ARRB1: variants seen among roughly 807,000 people sequenced by gnomAD.
ARRB1 encodes the protein beta-arrestin-1.
A neutral mutation model predicts 56.8 loss-of-function variants in ARRB1; 21 were observed. The observed-to-expected ratio is 0.37, with a 90% CI of 0.26 to 0.53. The LOEUF is 0.53. Among genes scored for constraint, ARRB1 ranks in the 20% least tolerant of loss-of-function variants. The pLI is 0.88. For synonymous variants in ARRB1, 210 were observed against 218.6 expected, an observed-to-expected ratio of 0.96 and a Z score of 0.35; for missense variants, 424 against 553.7, an observed-to-expected ratio of 0.77 and a Z score of 2.35.
intron 1 of ARRB1, among the ~76,000 whole-genome samples, chr11:75,339,977 C>T (rs1038186987): frequency 3.9e-5 from 6 of 152,176 alleles, no homozygotes; most frequent in African/African-American, 1.2e-4. Context: ...CCCTCAACTT[C>T]GGAGAAAGGG....
intron 1 of ARRB1, among the ~76,000 whole-genome samples, chr11:75,350,802 G>A (rs534209818): frequency 7.2e-5 from 11 of 152,342 alleles, no homozygotes; most frequent in Non-Finnish European, 1.6e-4. Context: ...GGCGGGGGGC[G>A]CTCTACCCTG....
At chr11:75,283,726 A>G (rs1946406912) in intron 4 of ARRB1, among the ~76,000 whole-genome samples, 1 of 151,088 alleles carries the variant, frequency 6.6e-6, no homozygotes, top group African/African-American at 2.4e-5. Flanking sequence ...TCCCCCTCCC[A>G]CCTCTCCCCA....
chr11:75,261,783 G>A lies in ARRB1; in HGVS notation c.*4380C>T, dbSNP rs1945796906. 1 of 152,274 alleles carries A rather than the reference G, an allele frequency of 6.6e-6. No homozygotes were observed. The highest frequency in any genetic ancestry group is 1.5e-5 in the Non-Finnish European group (1 of 68,080). 9.4% of individuals were successfully genotyped at this position (152,274 alleles called of 1,614,324 possible). On this transcript the variant is annotated 3_prime_UTR_variant, in exon 16 of 16. Coordinates refer to ENST00000420843, the MANE Select transcript of ARRB1 (RefSeq NM_004041.5). The stretch of plus-strand genomic sequence containing the variant: ...AGAGATGGAGCTGCCTGGGCCAGGA[G>A]GAAACACCAAGCCCAGTGCAGGCCG...
intron 13 of ARRB1, chr11:75,271,206 A>G (rs1210564892): frequency 6.5e-6 from 1 of 152,940 alleles, no homozygotes; most frequent in Non-Finnish European, 1.5e-5. Flanking sequence ...CCACACTGCC[A>G]TCTTGTGACA....
intron 1 of ARRB1, among the ~76,000 whole-genome samples, chr11:75,302,534 C>T (rs530779881): frequency 2.0e-5 from 3 of 152,320 alleles, no homozygotes; most frequent in African/African-American, 7.2e-5. Flanking sequence ...CTTCCTGGGG[C>T]TGAGATGCAG....
intron 7 of ARRB1, 105 bp from the exon 8 acceptor site, chr11:75,278,849 T>A (rs1412727658): frequency 6.2e-6 from 9 of 1,457,442 alleles, no homozygotes; most frequent in Non-Finnish European, 8.3e-6. Context: ...GGCATGGCTC[T>A]CCATCACCTT....
At chr11:75,345,804 G>A (rs1020552830) in intron 1 of ARRB1, among the ~76,000 whole-genome samples, 1 of 152,162 alleles carries the variant, frequency 6.6e-6, no homozygotes, top group Non-Finnish European at 1.5e-5. Flanking sequence ...TTCACTAATG[G>A]GAAAGGCCTA....
At chr11:75,268,539 A>G (rs1945996102) in intron 14 of ARRB1, among the ~76,000 whole-genome samples, 1 of 150,362 alleles carries the variant, frequency 6.7e-6, no homozygotes, top group Admixed American at 6.6e-5. Context: ...AAAAAAAAGA[A>G]GAAGAAAAAC....
intron 1 of ARRB1, among the ~76,000 whole-genome samples, chr11:75,294,250 C>T (rs1249611616): frequency 6.6e-6 from 1 of 152,026 alleles, no homozygotes; most frequent in Non-Finnish European, 1.5e-5. Context: ...GATAATAAAA[C>T]CAACTTATGG....
At chr11:75,327,195 G>C (rs1334019245) in intron 1 of ARRB1, among the ~76,000 whole-genome samples, 4 of 151,040 alleles carry the variant, frequency 2.6e-5, no homozygotes, top group Admixed American at 6.6e-5. Flanking sequence ...CCAGCTACTC[G>C]GGAGGCTGAG....
intron 12 of ARRB1, 77 bp from the exon 13 acceptor site, chr11:75,271,801 C>T (rs1339423023): frequency 4.1e-6 from 6 of 1,468,776 alleles, no homozygotes; most frequent in Non-Finnish European, 5.5e-6. Context: ...CACATTCATT[C>T]ACCACTTCTG....
At position 75,268,833 on chromosome 11, in the gene ARRB1, G is replaced by A. The variant is rs1946003829; in HGVS notation, c.1093+56C>T. ...AACCCGGGGCGGGGTGGGTTACAGG[G>A]TCACGTGGCAGCTGCTAGAGAACCC... On this transcript the variant is annotated intron_variant, in intron 14 of 15. Coordinates refer to ENST00000420843, the MANE Select transcript of ARRB1 (RefSeq NM_004041.5). 32 of 1,581,296 alleles carry A rather than the reference G, an allele frequency of 2.0e-5. 1 individual carries two copies. The South Asian group carries it at 3.7e-4, about 18-fold the overall frequency.
At position 75,285,383 on chromosome 11, in the gene ARRB1, C is replaced by T. The variant is rs527629553; in HGVS notation, c.113-1104G>A. 2.2e-4 allele frequency among the ~76,000 whole-genome samples: 34 copies of T among 152,364 alleles called. No homozygotes were observed. In the East Asian group the frequency reaches 6.6e-3, roughly 29 times the overall value. ...TCAGCACCCCAGGAGGCCAGAAACA[C>T]TGGCTCAGGGTCACCCCCTTGGCTG... On this transcript the variant is annotated intron_variant, in intron 3 of 15. Coordinates refer to ENST00000420843, the MANE Select transcript of ARRB1 (RefSeq NM_004041.5).
intron 10 of ARRB1, among the ~76,000 whole-genome samples, chr11:75,276,170 T>A (rs1946196545): frequency 6.6e-6 from 1 of 151,906 alleles, no homozygotes; most frequent in Admixed American, 6.6e-5. Context: ...ACATGTAAAA[T>A]TATATCAGGT....
At chr11:75,274,750 C>G in intron 10 of ARRB1, 1 of 151,240 alleles carries the variant, frequency 6.6e-6, no homozygotes, top group South Asian at 2.1e-4. Context: ...CGAGATTGCT[C>G]CACTGCACTC....
chr11:75,334,505 T>A (rs1192338522), intron 1 of ARRB1, among the ~76,000 whole-genome samples: 1 of 152,182 alleles, frequency 6.6e-6, no homozygotes, highest in African/African-American at 2.4e-5. Flanking sequence ...ACTATCCCAA[T>A]GAAAGGCATG....
intron 11 of ARRB1, 31 bp from the exon 12 acceptor site, chr11:75,273,009 G>A (rs1168304405): frequency 1.2e-6 from 2 of 1,608,530 alleles, no homozygotes; most frequent in South Asian, 2.2e-5. Context: ...GCCAGTTCAG[G>A]GGCCTTGCCA....
chr11:75,266,400 G>T, intron 15 of ARRB1, 126 bp from the exon 16 acceptor site: 1 of 739,020 alleles, frequency 1.4e-6, no homozygotes, highest in Non-Finnish European at 2.3e-6. Context: ...CCTCTCTGAG[G>T]TCTCTGGCCT....
At chr11:75,281,194 G>A (rs1159496167) in intron 6 of ARRB1, 52 bp from the exon 7 acceptor site, 2 of 1,517,634 alleles carry the variant, frequency 1.3e-6, no homozygotes, top group South Asian at 1.2e-5. Flanking sequence ...AGGGTCCCCA[G>A]TACACAGCCA....
Sources: gnomAD v4.1 joint callset for allele counts (sites outside exome capture counted in the v4.1 genomes callset) on GRCh38, gnomAD v4.1.1 for gene constraint, MANE v1.5 for transcripts, NCBI Gene and HGNC (gene_info 2026-07-23, HGNC 2026-07-21) for gene names.